WAPL: variants seen among roughly 807,000 people sequenced by gnomAD.
WAPL encodes WAPL cohesin release factor, also known as wings apart-like protein homolog.
Under a neutral mutation model 121.0 loss-of-function variants are expected in WAPL, and 5 were observed. The observed-to-expected ratio is 0.04, with a 90% CI of 0.02 to 0.09. The LOEUF (loss-of-function observed/expected upper bound fraction) is 0.09. WAPL is among the 10% of genes least tolerant of loss of function. The pLI is 1.00. For synonymous variants in WAPL, 480 were observed against 481.5 expected (o/e 1.00, Z 0.04); for missense variants, 999 against 1,410.8 (o/e 0.71, Z 4.68).
Position 86,437,960 on chromosome 10 carries a change from G to T in WAPL, c.3467C>A (p.Thr1156Lys). The change falls in exon 18 of 19, where the codon ACA (threonine) becomes AAA (lysine). Residue 1156 changes from threonine (T) to lysine (K), a missense_variant. By Grantham distance (78) the Thr-to-Lys change is moderately conservative. Coordinates refer to ENST00000298767, the MANE Select transcript of WAPL (RefSeq NM_015045.5). ...YLPEGDFSIM[T>K]EMLKKFLSFM... Reference sequence around the variant, plus strand: ...ACTCAAAAATTTTTTGAGCATCTCTGTCATTATTGAAAAGTCTCCTTCTGG... The same window carrying T: ...ACTCAAAAATTTTTTGAGCATCTCTTTCATTATTGAAAAGTCTCCTTCTGG... 1 of 1,613,906 alleles carries T rather than the reference G, an allele frequency of 6.2e-7. No homozygotes were observed. The highest frequency in any genetic ancestry group is 8.5e-7 in the Non-Finnish European group (1 of 1,179,916).
chr10:86,500,098 T>A lies in WAPL; in HGVS notation c.1145A>T (p.Asp382Val). ...TGCAGGAGTGGATGCAGTGAACTCA[T>A]CCATGCTGCGTTCCATAGTATCCTG... is the stretch of plus-strand genomic sequence containing the variant. ...TIQDTMERSM[D>V]EFTASTPADL... The change falls in exon 3 of 19, where the codon GAT becomes GTT. Residue 382 changes from aspartate to valine, a missense_variant. Physicochemically the swap from Asp to Val is radical, Grantham distance 152. Around this residue, in one of 7 missense-constraint regions of WAPL, gnomAD observed 531 missense variants for 563.1 expected, o/e 0.94. Coordinates refer to ENST00000298767, the MANE Select transcript of WAPL (RefSeq NM_015045.5). 1 of 1,614,160 alleles carries A rather than the reference T, an allele frequency of 6.2e-7. No homozygotes were observed. The highest frequency in any genetic ancestry group is 8.5e-7 in the Non-Finnish European group (1 of 1,180,026).
chr10:86,455,956 G>A (rs1841136218), intron 12 of WAPL, among the ~76,000 whole-genome samples: 2 of 152,082 alleles, frequency 1.3e-5, no homozygotes, highest in Admixed American at 1.3e-4. Context: ...CTCTTTATCA[G>A]AACTATGAGT....
chr10:86,480,078 C>T (rs921281275), intron 4 of WAPL, among the ~76,000 whole-genome samples: 3 of 152,174 alleles, frequency 2.0e-5, no homozygotes, highest in African/African-American at 7.2e-5. Flanking sequence ...AAACCAACAG[C>T]ATCTGTACTA....
At chr10:86,448,672 T>C (rs138140768) in intron 15 of WAPL, among the ~76,000 whole-genome samples, 2 of 152,294 alleles carry the variant, frequency 1.3e-5, no homozygotes, top group Non-Finnish European at 2.9e-5. Context: ...TGGAGTGCAG[T>C]GGCAGGATCA....
chr10:86,449,993 T>A (rs1446648017), intron 15 of WAPL, among the ~76,000 whole-genome samples: 2 of 152,146 alleles, frequency 1.3e-5, no homozygotes, highest in Admixed American at 1.3e-4. Flanking sequence ...CAAACATAAA[T>A]GAATGCAGAT....
chr10:86,517,140 T>C (rs1315962813), intron 2 of WAPL, among the ~76,000 whole-genome samples: 1 of 152,182 alleles, frequency 6.6e-6, no homozygotes, highest in East Asian at 1.9e-4. Context: ...CTCCACTCAA[T>C]ACCCCCTTAA....
Position 86,437,932 on chromosome 10 carries a change from A to G in WAPL, c.3495T>C (p.Phe1165=). ...MTEMLKKFLS[F]MNLTCAVGTT... ...AAAAGCTACTTACAGTGAGATTCATAAAACTCAAAAATTTTTTGAGCATCT... is the reference window on the plus strand; with the variant it reads ...AAAAGCTACTTACAGTGAGATTCATGAAACTCAAAAATTTTTTGAGCATCT... Residue 1165 remains phenylalanine, a synonymous_variant, in exon 18 of 19, where the codon TTT becomes TTC. Transcript: ENST00000298767. 1 of 1,612,302 alleles carries G rather than the reference A, an allele frequency of 6.2e-7. No homozygotes were observed. The highest frequency in any genetic ancestry group is 1.1e-5 in the South Asian group (1 of 90,964).
At chr10:86,441,158 C>G (rs1472138956) in intron 17 of WAPL, among the ~76,000 whole-genome samples, 1 of 152,212 alleles carries the variant, frequency 6.6e-6, no homozygotes, top group Non-Finnish European at 1.5e-5. Context: ...ATTTCAAAAT[C>G]TGGCTTTACA....
intron 2 of WAPL, among the ~76,000 whole-genome samples, chr10:86,505,179 G>A (rs558768270): frequency 2.7e-5 from 2 of 74,028 alleles, no homozygotes; most frequent in African/African-American, 9.9e-5. Context: ...TGTAGAGACA[G>A]GATTTTTTTA....
chr10:86,465,218 A>C (rs1433104282), intron 9 of WAPL, among the ~76,000 whole-genome samples: 1 of 152,076 alleles, frequency 6.6e-6, no homozygotes, highest in Non-Finnish European at 1.5e-5. Flanking sequence ...TTGGAGACGT[A>C]GTCTTGCTCT....
In WAPL at chr10:86,500,241, C is replaced by G. The variant is rs746856870; in HGVS notation, c.1002G>C (p.Leu334=). The G allele has an allele frequency of 6.2e-7, 1 of 1,614,204 alleles. No homozygotes were observed. The highest frequency in any genetic ancestry group is 8.5e-7 in the Non-Finnish European group (1 of 1,180,042). Residue 334 remains leucine (L), a synonymous_variant, in exon 3 of 19, where the codon CTG becomes CTC. Coordinates refer to ENST00000298767, the MANE Select transcript of WAPL (RefSeq NM_015045.5). The part of the protein sequence containing the change: ...KANSESSKDG[L]NQAKKGGVSC... ...TTACACCCCCTTTCTTTGCCTGATT[C>G]AGGCCATCTTTACTCGATTCACTGT...
intron 15 of WAPL, among the ~76,000 whole-genome samples, chr10:86,450,169 T>C (rs904215543): frequency 6.6e-6 from 1 of 152,358 alleles, no homozygotes. Flanking sequence ...TGTAACTTCC[T>C]GTGAGTCTAT....
Position 86,497,343 on chromosome 10 carries a change from T to C in WAPL, c.1526-24A>G, listed in dbSNP as rs746722113. The C allele has an allele frequency of 4.6e-6, 7 of 1,528,796 alleles. No individual in the cohort carries two copies. The African/African-American group carries it at 5.5e-5, about 12-fold the overall frequency. The allele number at this position is 1,528,796 out of a possible 1,614,324, so 94.7% of individuals were successfully genotyped here. A position where few individuals can be genotyped will look rare whatever the true frequency, so the allele number is the denominator to read the frequency against. On this transcript the variant is annotated intron_variant, in intron 3 of 18. Transcript: ENST00000298767. ...TTCTGAAATGGTAATCAAAACTATC[T>C]AGCTTACTAATATTTCAAATTACCT...
intron 8 of WAPL, among the ~76,000 whole-genome samples, chr10:86,468,626 A>T (rs1267193338): frequency 6.6e-6 from 1 of 152,206 alleles, no homozygotes; most frequent in African/African-American, 2.4e-5. Flanking sequence ...TTACATCTGT[A>T]TATAAACCCA....
intron 12 of WAPL, among the ~76,000 whole-genome samples, chr10:86,456,540 A>G (rs1448386093): frequency 1.3e-5 from 2 of 152,208 alleles, no homozygotes. Context: ...AAATCAAGTA[A>G]GCTCACTCTG....
intron 4 of WAPL, among the ~76,000 whole-genome samples, chr10:86,496,737 T>C (rs1249751685): frequency 2.6e-5 from 4 of 152,010 alleles, no homozygotes; most frequent in Non-Finnish European, 5.9e-5. Flanking sequence ...CTTAGAAAAA[T>C]CAGGCTTAGT....
At chr10:86,446,493 A>G (rs199598473) in intron 15 of WAPL, 44 bp from the exon 16 acceptor site, 3 of 1,557,006 alleles carry the variant, frequency 1.9e-6, no homozygotes, top group African/African-American at 2.7e-5. Flanking sequence ...GAGATTGCCA[A>G]TCAATATGCA....
At chr10:86,495,082 A>C (rs1842124424) in intron 4 of WAPL, among the ~76,000 whole-genome samples, 1 of 152,226 alleles carries the variant, frequency 6.6e-6, no homozygotes, top group South Asian at 2.1e-4. Context: ...AAAGCAATTC[A>C]ATCTACAAGA....
At chr10:86,512,877 GT>G (rs1842492297) in intron 2 of WAPL, among the ~76,000 whole-genome samples, 1 of 152,060 alleles carries the variant, frequency 6.6e-6, no homozygotes, top group African/African-American at 2.4e-5. Flanking sequence ...CTATTTTTGT[GT>G]GCCTGAAAAG....
Sources: gnomAD v4.1 joint callset for allele counts (sites outside exome capture counted in the v4.1 genomes callset) on GRCh38, gnomAD v4.1.1 for gene constraint, gnomAD v4.1.1 regional missense constraint, MANE v1.5 for transcripts, NCBI Gene and HGNC (gene_info 2026-07-23, HGNC 2026-07-21) for gene names.